Variants in GBE1 observed in about 807,000 individuals in gnomAD.
GBE1 encodes the protein 1,4-alpha-glucan-branching enzyme.
A neutral mutation model predicts 88.8 loss-of-function variants in GBE1; 70 were observed. The ratio of observed to expected loss-of-function variants is 0.79; its 90% CI spans 0.65 to 0.96. The LOEUF (loss-of-function observed/expected upper bound fraction) is 0.96, where lower values mean the gene tolerates loss of function less well. Among genes scored for constraint, GBE1 ranks in the 40% least tolerant of loss-of-function variants. The probability of loss-of-function intolerance (pLI) is 0.00; values close to 1 mark genes in which losing one functional copy is unlikely to be tolerated. For synonymous variants in GBE1, 284 were observed against 300.1 expected (o/e 0.95, Z 0.56); for missense variants, 872 against 871.0 (o/e 1.00, Z -0.01).
At chr3:81,753,548 T>C (rs1456461273) in intron 1 of GBE1, among the ~76,000 whole-genome samples, 1 of 152,168 alleles carries the variant, frequency 6.6e-6, no homozygotes, top group African/African-American at 2.4e-5. Context: ...AAGGCCCAGT[T>C]TGATGAGAGC....
intron 12 of GBE1, among the ~76,000 whole-genome samples, chr3:81,570,494 A>G (rs1703559416): frequency 6.6e-6 from 1 of 152,246 alleles, no homozygotes; most frequent in Non-Finnish European, 1.5e-5. Context: ...GATTTCACAC[A>G]AAGTAAAGTT....
intron 2 of GBE1, among the ~76,000 whole-genome samples, chr3:81,683,929 T>C (rs1270918963): frequency 1.3e-5 from 2 of 152,110 alleles, no homozygotes; most frequent in African/African-American, 2.4e-5. Context: ...TCAAAACTAA[T>C]GATATAGAAA....
chr3:81,716,870 T>A (rs574076058), intron 1 of GBE1, among the ~76,000 whole-genome samples: 1 of 152,318 alleles, frequency 6.6e-6, no homozygotes, highest in South Asian at 2.1e-4. Flanking sequence ...TCTAGAGTCT[T>A]CTGGCAAAGT....
chr3:81,729,271 C>T lies in GBE1; in HGVS notation c.144-23658G>A, dbSNP rs113918087. Among the ~76,000 whole-genome samples the T allele has an allele frequency of 1.1e-3, 174 of 152,204 alleles. 2 individuals are homozygous for T. The highest frequency in any genetic ancestry group is 3.8e-3 in the African/African-American group (159 of 41,542). On this transcript the variant is annotated intron_variant, in intron 1 of 15. Coordinates refer to ENST00000429644, the MANE Select transcript of GBE1 (RefSeq NM_000158.4). ...CAAAGTCACTTGTTCCTACTGTTTC[C>T]GCCTCTCCCTTAAACCCACAGGTTT...
intron 14 of GBE1, among the ~76,000 whole-genome samples, chr3:81,518,435 T>C (rs1702827374): frequency 6.6e-6 from 1 of 151,492 alleles, no homozygotes; most frequent in South Asian, 2.1e-4. Flanking sequence ...GCCTATAATC[T>C]TATGAATATA....
chr3:81,748,218 G>GA (rs1706445309), intron 1 of GBE1, among the ~76,000 whole-genome samples: 1 of 152,242 alleles, frequency 6.6e-6, no homozygotes, highest in African/African-American at 2.4e-5. Flanking sequence ...CGTACAAATA[G>GA]AAAATAATAC....
At chr3:81,738,789 G>A (rs1250077986) in intron 1 of GBE1, among the ~76,000 whole-genome samples, 1 of 151,994 alleles carries the variant, frequency 6.6e-6, no homozygotes, top group Non-Finnish European at 1.5e-5. Context: ...TGATAAAGCT[G>A]GTATTATTAT....
intron 1 of GBE1, among the ~76,000 whole-genome samples, chr3:81,759,548 C>A (rs1017931771): frequency 5.3e-5 from 8 of 152,178 alleles, no homozygotes; most frequent in African/African-American, 1.4e-4. Flanking sequence ...TTACCACTAA[C>A]AAATGCCAAA....
At chr3:81,544,291 CTG>C (rs141781698) in intron 12 of GBE1, among the ~76,000 whole-genome samples, 1 of 152,292 alleles carries the variant, frequency 6.6e-6, no homozygotes, top group East Asian at 1.9e-4. Flanking sequence ...GAGGCAATGA[CTG>C]TGACAGTTAA....
rs1160794297 is a variant in GBE1, at chr3:81,733,821, A to C, written c.143+27554T>G. Among the ~76,000 whole-genome samples the C allele has an allele frequency of 6.6e-6, 1 of 152,158 alleles. No homozygotes were observed. The highest frequency in any genetic ancestry group is 6.5e-5 in the Admixed American group (1 of 15,270). ...TAAGCTCCTCAAATGTATGAGCTTT[A>C]TAGTCTCCTTGTTCACACCTATATT... is the stretch of plus-strand genomic sequence containing the variant. On this transcript the variant is annotated intron_variant, in intron 1 of 15. Transcript: ENST00000429644. The surrounding 1 kb of genome is among the most constrained non-coding windows in gnomAD (Gnocchi z 4.0).
intron 2 of GBE1, among the ~76,000 whole-genome samples, chr3:81,696,443 T>C (rs1296529407): frequency 6.6e-6 from 1 of 152,202 alleles, no homozygotes; most frequent in East Asian, 1.9e-4. Context: ...ATAATGCAAT[T>C]TGAACTTAAA....
intron 3 of GBE1, chr3:81,650,243 C>T (rs1704826415): frequency 5.5e-6 from 1 of 181,678 alleles, no homozygotes; most frequent in Non-Finnish European, 1.1e-5. Context: ...TTGGAAGCTT[C>T]TGTCAATTAA....
At chr3:81,650,746 C>T (rs1165645740) in intron 3 of GBE1, among the ~76,000 whole-genome samples, 1 of 152,188 alleles carries the variant, frequency 6.6e-6, no homozygotes, top group African/African-American at 2.4e-5. Flanking sequence ...CTCACTGCAG[C>T]CTCAACCTCA....
At chr3:81,583,158 A>C (rs1338777787) in intron 10 of GBE1, among the ~76,000 whole-genome samples, 2 of 152,092 alleles carry the variant, frequency 1.3e-5, no homozygotes, top group African/African-American at 4.8e-5. Flanking sequence ...AAAATAATAA[A>C]ACCACAATGA....
intron 3 of GBE1, among the ~76,000 whole-genome samples, chr3:81,664,513 T>C (rs1219731186): frequency 2.0e-5 from 3 of 150,404 alleles, no homozygotes; most frequent in Non-Finnish European, 4.4e-5. Flanking sequence ...TGAGAGCAGC[T>C]GGGCCTAAAA....
chr3:81,591,186 C>T (rs370052497), intron 8 of GBE1, 22 bp from the exon 9 acceptor site: 63 of 1,566,746 alleles, frequency 4.0e-5, no homozygotes, highest in East Asian at 1.1e-4. Context: ...AAAATCAATA[C>T]GGATATATTA....
intron 11 of GBE1, among the ~76,000 whole-genome samples, 161 bp downstream of exon 11, chr3:81,581,004 C>T (rs1328283578): frequency 1.3e-5 from 2 of 151,730 alleles, no homozygotes; most frequent in Non-Finnish European, 1.5e-5. Flanking sequence ...ACGTAGTTTT[C>T]CTGTAAAGAT....
At chr3:81,612,519 CCTT>C in intron 7 of GBE1, 1 of 972,014 alleles carries the variant, frequency 1.0e-6, no homozygotes, top group Non-Finnish European at 1.6e-6. Flanking sequence ...GCATCTTCGT[CCTT>C]CTCCCCAAGC....
intron 7 of GBE1, among the ~76,000 whole-genome samples, chr3:81,599,379 G>A (rs1325265322): frequency 6.6e-6 from 1 of 151,856 alleles, no homozygotes; most frequent in Non-Finnish European, 1.5e-5. Flanking sequence ...AAAAGTGAAG[G>A]CTATTAGTCG....
Sources: gnomAD v4.1 joint callset for allele counts (sites outside exome capture counted in the v4.1 genomes callset) on GRCh38, gnomAD v4.1.1 for gene constraint, Gnocchi (gnomAD v3.1) non-coding constraint, MANE v1.5 for transcripts, NCBI Gene and HGNC (gene_info 2026-07-23, HGNC 2026-07-21) for gene names.